Variants in NKD1 observed in about 807,000 individuals in gnomAD.
NKD1 encodes NKD inhibitor of Wnt signaling pathway 1.
NKD1 carries 21 observed loss-of-function variants against 56.0 expected under a neutral mutation model. The ratio of observed to expected loss-of-function variants is 0.38; its 90% CI spans 0.27 to 0.54. The LOEUF is 0.54. Ranked by LOEUF, NKD1 falls within the 20% of genes least tolerant of loss-of-function variation. The pLI is 0.82. For synonymous variants in NKD1, 263 were observed against 265.7 expected (o/e 0.99, Z 0.10); for missense variants, 578 against 642.7 (o/e 0.90, Z 1.09).
At chr16:50,564,349 G>C (rs1172020765) in intron 3 of NKD1, among the ~76,000 whole-genome samples, 2 of 152,240 alleles carry the variant, frequency 1.3e-5, no homozygotes, top group East Asian at 3.8e-4. Flanking sequence ...TGGGGCACTG[G>C]AAGGTAAACT....
intron 4 of NKD1, among the ~76,000 whole-genome samples, chr16:50,617,789 G>A (rs1255000638): frequency 1.3e-5 from 2 of 152,226 alleles, no homozygotes; most frequent in East Asian, 3.9e-4. Context: ...ACTGCACAAG[G>A]ATTTCCAGCC....
chr16:50,562,998 C>A (rs1378617618), intron 3 of NKD1, among the ~76,000 whole-genome samples: 1 of 134,628 alleles, frequency 7.4e-6, no homozygotes, highest in Non-Finnish European at 1.6e-5. Context: ...CCCCCCCCCC[C>A]GCCGTAGAAT....
At chr16:50,583,269 G>A (rs1961157844) in intron 3 of NKD1, among the ~76,000 whole-genome samples, 1 of 152,188 alleles carries the variant, frequency 6.6e-6, no homozygotes, top group East Asian at 1.9e-4. Context: ...AGAGCCCCAA[G>A]CTGCCCTATG....
At chr16:50,562,030 G>A (rs1596706524) in intron 3 of NKD1, among the ~76,000 whole-genome samples, 1 of 152,216 alleles carries the variant, frequency 6.6e-6, no homozygotes, top group African/African-American at 2.4e-5. Context: ...GTGCAGGGGA[G>A]CAGAAGCACA....
chr16:50,579,892 G>A (rs1033531747), intron 3 of NKD1, among the ~76,000 whole-genome samples: 4 of 152,004 alleles, frequency 2.6e-5, no homozygotes, highest in African/African-American at 4.8e-5. Context: ...TGCTACACAC[G>A]CACTCTAACT....
At position 50,644,495 on chromosome 16, in the gene NKD1, G is replaced by A. The variant is rs1181865071; in HGVS notation, c.*10714G>A. The A allele has an allele frequency of 2.0e-5, 3 of 152,252 alleles. No individual in the cohort carries two copies. 9.4% of individuals were successfully genotyped at this position (152,252 alleles called of 1,614,324 possible). Reference sequence around the variant, plus strand: ...ACCCCTCTTGCGGGTTCCTGATGCTGAGAGTTGTTGGAATGTTGATGCTGC... The same window carrying A: ...ACCCCTCTTGCGGGTTCCTGATGCTAAGAGTTGTTGGAATGTTGATGCTGC... On this transcript the variant is annotated 3_prime_UTR_variant, in exon 10 of 10. Transcript: ENST00000268459.
intron 3 of NKD1, among the ~76,000 whole-genome samples, chr16:50,583,686 A>G (rs1311580489): frequency 2.0e-5 from 3 of 152,258 alleles, no homozygotes; most frequent in East Asian, 1.9e-4. Flanking sequence ...GCTGGCATGG[A>G]AGAAAGATGC....
intron 3 of NKD1, chr16:50,575,429 T>A (rs886516015): frequency 1.2e-6 from 1 of 822,996 alleles, no homozygotes; most frequent in Non-Finnish European, 1.5e-6. Flanking sequence ...GGGTTGTCTG[T>A]GTTCCTGGGA....
In NKD1 at chr16:50,586,465, C is replaced by T. The variant is rs377193389; in HGVS notation, c.193-21829C>T. Among the ~76,000 whole-genome samples the T allele has an allele frequency of 7.2e-5, 11 of 152,094 alleles. 1 individual carries two copies. Among genetic ancestry groups the T allele is most frequent in the African/African-American group, 2.4e-4 (10 of 41,404 alleles). On this transcript the variant is annotated intron_variant, in intron 3 of 9. Coordinates refer to ENST00000268459, the MANE Select transcript of NKD1 (RefSeq NM_033119.5). The stretch of plus-strand genomic sequence containing the variant: ...GCTCTGCTTATTACCTGAGGACCAC[C>T]GTGAGCCACGTGTCTGCAGTCTAGG...
At chr16:50,610,912 C>T (rs564516326) in intron 4 of NKD1, among the ~76,000 whole-genome samples, 4 of 152,214 alleles carry the variant, frequency 2.6e-5, no homozygotes, top group South Asian at 2.1e-4. Context: ...GCTGGCTGGG[C>T]GTGGCAGGGC....
intron 3 of NKD1, among the ~76,000 whole-genome samples, chr16:50,562,794 C>A (rs143114052): frequency 1.3e-5 from 2 of 152,040 alleles, no homozygotes; most frequent in African/African-American, 4.8e-5. Context: ...TGTAGTGTAG[C>A]GGGACCTAAT....
At position 50,647,301 on chromosome 16, in the gene NKD1, A is replaced by C. The variant is rs1962699741; in HGVS notation, c.*13520A>C. On this transcript the variant is annotated 3_prime_UTR_variant, in exon 10 of 10. Transcript: ENST00000268459. ...GATCTGAAGGGAAGTCTGTTGAGGA[A>C]CTTGTAACATGTCATGGTAGTGGCC... The C allele has an allele frequency of 6.6e-6, 1 of 152,216 alleles. No individual in the cohort carries two copies. Among genetic ancestry groups the C allele is most frequent in the Admixed American group, 6.5e-5 (1 of 15,278 alleles). The allele number at this position is 152,216 out of a possible 1,614,324, so 9.4% of individuals were successfully genotyped here.
chr16:50,560,921 G>C (rs1960617255), intron 3 of NKD1, among the ~76,000 whole-genome samples: 1 of 151,940 alleles, frequency 6.6e-6, no homozygotes, highest in South Asian at 2.1e-4. Context: ...CAGAGTATTA[G>C]AAAAACGCTG....
At position 50,557,146 on chromosome 16, in the gene NKD1, A is replaced by C. The variant is rs1395297970; in HGVS notation, c.192+7591A>C. On this transcript the variant is annotated intron_variant, in intron 3 of 9. Transcript: ENST00000268459. ...TAGAGTGAAGGCCTTGATTTCATGG[A>C]ACTTACCATCTTGTAGGAAAACAGA... 95 of 152,300 alleles carry C rather than the reference A, an allele frequency of 6.2e-4. 1 individual carries two copies. The highest frequency in any genetic ancestry group is 6.2e-3 in the Admixed American group (95 of 15,306). 9.4% of individuals were successfully genotyped at this position (152,300 alleles called of 1,614,324 possible). A position where few individuals can be genotyped will look rare whatever the true frequency, so the allele number is the denominator to read the frequency against.
chr16:50,573,327 A>G (rs112333706), intron 3 of NKD1, among the ~76,000 whole-genome samples: 1 of 151,732 alleles, frequency 6.6e-6, no homozygotes, highest in Admixed American at 6.6e-5. Flanking sequence ...GAGGGTTGCT[A>G]TGGAGACCTC....
intron 4 of NKD1, among the ~76,000 whole-genome samples, chr16:50,608,660 G>A (rs1003980380): frequency 1.3e-5 from 2 of 152,210 alleles, no homozygotes; most frequent in African/African-American, 4.8e-5. Flanking sequence ...CTCCTCTGGG[G>A]ATAATAAGAG....
intron 3 of NKD1, among the ~76,000 whole-genome samples, chr16:50,604,731 C>T (rs1193576037): frequency 2.6e-5 from 4 of 152,252 alleles, no homozygotes; most frequent in East Asian, 3.9e-4. Context: ...ACAGGGGCTT[C>T]CAGTGGCGCC....
chr16:50,648,573 C>A lies in NKD1; in HGVS notation c.*14792C>A, dbSNP rs756303824. On this transcript the variant is annotated 3_prime_UTR_variant, in exon 10 of 10. Transcript: ENST00000268459. ...CTGACACATCCCCCCTTTCAGAACA[C>A]CCTCTGCCCTTGGATTCTGTGCACA... 6.6e-6 allele frequency: 1 copy of A among 152,244 alleles called. No individual in the cohort carries two copies. The highest frequency in any genetic ancestry group is 1.5e-5 in the Non-Finnish European group (1 of 68,050). The allele number at this position is 152,244 out of a possible 1,614,324, so 9.4% of individuals were successfully genotyped here. A position where few individuals can be genotyped will look rare whatever the true frequency, so the allele number is the denominator to read the frequency against.
rs902296696 is a variant in NKD1, at chr16:50,642,896, A to C, written c.*9115A>C. ...TTGATGGGATCACTCTGTTCCTTCC[A>C]GACCCGACTTGTGGTGTGAACTTGG... On this transcript the variant is annotated 3_prime_UTR_variant, in exon 10 of 10. Coordinates refer to ENST00000268459, the MANE Select transcript of NKD1 (RefSeq NM_033119.5). The C allele has an allele frequency of 1.3e-5, 2 of 152,192 alleles. No homozygotes were observed. Among genetic ancestry groups the C allele is most frequent in the Non-Finnish European group, 2.9e-5 (2 of 68,064 alleles). The allele number at this position is 152,192 out of a possible 1,614,324, so 9.4% of individuals were successfully genotyped here.
Sources: allele counts gnomAD v4.1 joint callset (sites outside exome capture counted in the v4.1 genomes callset), GRCh38; gene constraint gnomAD v4.1.1; transcripts MANE v1.5; gene names NCBI Gene and HGNC (gene_info 2026-07-23, HGNC 2026-07-21).